The following PHF14 variants were observed in gnomAD, a reference collection of about 807,000 sequenced individuals.
PHF14 encodes PHD finger protein 14.
Under a neutral mutation model 117.9 loss-of-function variants are expected in PHF14, and 55 were observed. The ratio of observed to expected loss-of-function variants is 0.47; its 90% CI spans 0.38 to 0.58. The LOEUF is 0.58. Among genes scored for constraint, PHF14 ranks in the 20% least tolerant of loss-of-function variants. The pLI, the probability that PHF14 is intolerant of heterozygous loss-of-function variation, is 0.00. For missense variants in PHF14, 978 were observed against 1,122.2 expected, an observed-to-expected ratio of 0.87 and a Z score of 1.84; for synonymous variants, 409 against 368.6, an observed-to-expected ratio of 1.11 and a Z score of -1.26.
chr7:10,981,785 C>T (rs1223092419), intron 2 of PHF14, among the ~76,000 whole-genome samples: 7 of 152,282 alleles, frequency 4.6e-5, no homozygotes, highest in African/African-American at 1.7e-4. Flanking sequence ...TGTCTCTTTT[C>T]ACCTGTGTTC....
chr7:11,066,188 T>C lies in PHF14; in HGVS notation c.2654+4103T>C, dbSNP rs545869286. 2.8e-4 allele frequency among the ~76,000 whole-genome samples: 42 copies of C among 152,366 alleles called. No individual in the cohort carries two copies. The South Asian group carries it at 8.7e-3, about 32-fold the overall frequency. ...TCCTCCCCAACTAAATTTGTTTGTG[T>C]CATAAATTATTAGGAAAACCAGCAA... is the stretch of plus-strand genomic sequence containing the variant. On this transcript the variant is annotated intron_variant, in intron 16 of 17. Transcript: ENST00000634607.
chr7:10,981,896 A>G (rs1052937959), intron 2 of PHF14, among the ~76,000 whole-genome samples: 1 of 152,158 alleles, frequency 6.6e-6, no homozygotes, highest in Non-Finnish European at 1.5e-5. Flanking sequence ...AAAATAAATG[A>G]AGCAGTTTTA....
At chr7:10,998,496 G>T (rs949827098) in intron 4 of PHF14, among the ~76,000 whole-genome samples, 1 of 152,020 alleles carries the variant, frequency 6.6e-6, no homozygotes, top group Non-Finnish European at 1.5e-5. Flanking sequence ...GATATTAGTG[G>T]TAATGAATAT....
intron 5 of PHF14, among the ~76,000 whole-genome samples, chr7:11,017,723 T>C (rs1314690413): frequency 3.3e-5 from 5 of 152,138 alleles, no homozygotes; most frequent in Admixed American, 2.0e-4. Flanking sequence ...AGTTTGATGA[T>C]GTATTCTTTG....
intron 16 of PHF14, chr7:11,062,668 C>G (rs1785269090): frequency 1.0e-6 from 1 of 980,424 alleles, no homozygotes; most frequent in Admixed American, 6.2e-5. Flanking sequence ...TTTTTTTAAT[C>G]AGACATAATG....
At chr7:11,068,935 T>C (rs1296122375) in intron 16 of PHF14, among the ~76,000 whole-genome samples, 1 of 152,198 alleles carries the variant, frequency 6.6e-6, no homozygotes, top group Non-Finnish European at 1.5e-5. Flanking sequence ...GAATCTTGCA[T>C]GTCTTTTATT....
At chr7:11,058,228 G>C (rs1785087592) in intron 14 of PHF14, among the ~76,000 whole-genome samples, 2 of 152,120 alleles carry the variant, frequency 1.3e-5, no homozygotes, top group East Asian at 3.8e-4. Flanking sequence ...TTGTCAGATA[G>C]GCCCAACTTA....
intron 17 of PHF14, among the ~76,000 whole-genome samples, chr7:11,166,994 C>T (rs1213149570): frequency 6.6e-6 from 1 of 152,098 alleles, no homozygotes; most frequent in African/African-American, 2.4e-5. Flanking sequence ...ATATCTTATC[C>T]ATATATTTAA....
chr7:11,128,431 ACCT>A (rs1787997092), intron 17 of PHF14, among the ~76,000 whole-genome samples: 1 of 151,848 alleles, frequency 6.6e-6, no homozygotes, highest in Admixed American at 6.6e-5. Context: ...AAGTGCCACT[ACCT>A]CCTCTGTTCT....
At chr7:11,038,068 T>A (rs1161597161) in intron 10 of PHF14, among the ~76,000 whole-genome samples, 1 of 152,142 alleles carries the variant, frequency 6.6e-6, no homozygotes, top group African/African-American at 2.4e-5. Context: ...CAAATACTGC[T>A]GAATAATTGG....
At chr7:11,041,430 G>A (rs191950773) in intron 12 of PHF14, among the ~76,000 whole-genome samples, 2 of 151,806 alleles carry the variant, frequency 1.3e-5, no homozygotes, top group Non-Finnish European at 2.9e-5. Context: ...GTTTTTGTGT[G>A]TGTGTGTGTG....
chr7:11,116,495 C>T (rs1363216051), intron 17 of PHF14, among the ~76,000 whole-genome samples: 2 of 152,050 alleles, frequency 1.3e-5, no homozygotes, highest in East Asian at 1.9e-4. Context: ...TCTTCCTTTT[C>T]ATCTTTGTAA....
chr7:11,113,859 G>C (rs935350544), intron 17 of PHF14, among the ~76,000 whole-genome samples: 1 of 152,088 alleles, frequency 6.6e-6, no homozygotes, highest in African/African-American at 2.4e-5. Context: ...TGCTGCAGAA[G>C]CTTTTACATT....
At chr7:11,034,174 C>G (rs1784228730) in intron 7 of PHF14, among the ~76,000 whole-genome samples, 1 of 150,648 alleles carries the variant, frequency 6.6e-6, no homozygotes, top group Admixed American at 6.6e-5. Context: ...TCTTTCTGTT[C>G]TTATATGTCT....
At chr7:11,151,887 T>C (rs9969156) in intron 17 of PHF14, among the ~76,000 whole-genome samples, 2,673 of 152,310 alleles carry the variant, frequency 0.018, 34 homozygotes, top group Middle Eastern at 0.048. Flanking sequence ...CAGAATTTTA[T>C]GTTCCTCAGA....
intron 14 of PHF14, among the ~76,000 whole-genome samples, chr7:11,059,157 T>G (rs1785120357): frequency 6.6e-6 from 1 of 152,200 alleles, no homozygotes; most frequent in Non-Finnish European, 1.5e-5. Context: ...TACCATATGA[T>G]GCTAATTGCA....
At chr7:11,018,933 A>G (rs1373854507) in intron 5 of PHF14, among the ~76,000 whole-genome samples, 2 of 151,850 alleles carry the variant, frequency 1.3e-5, no homozygotes, top group African/African-American at 4.8e-5. Flanking sequence ...GTTTTTGGGG[A>G]GTTTTTATGA....
chr7:11,063,008 A>T, intron 16 of PHF14: 1 of 793,530 alleles, frequency 1.3e-6, no homozygotes, highest in Non-Finnish European at 1.5e-6. Flanking sequence ...CAAATATATT[A>T]GTGTTGTTGT....
At chr7:11,077,599 T>C (rs1418864003) in intron 16 of PHF14, among the ~76,000 whole-genome samples, 2 of 105,064 alleles carry the variant, frequency 1.9e-5, no homozygotes, top group African/African-American at 7.9e-5. Context: ...GACTCTGTCT[T>C]AAAAAAAAAA....
Sources: allele counts gnomAD v4.1 joint callset (sites outside exome capture counted in the v4.1 genomes callset), GRCh38; gene constraint gnomAD v4.1.1; transcripts MANE v1.5; gene names NCBI Gene and HGNC (gene_info 2026-07-23, HGNC 2026-07-21).